Variants in C17orf99 observed in about 807,000 individuals in gnomAD.
C17orf99 encodes the protein chromosome 17 open reading frame 99.
A neutral mutation model predicts 22.6 loss-of-function variants in C17orf99; 18 were observed. That is an observed-to-expected ratio of 0.80 (90% CI 0.55 to 1.18). The LOEUF (loss-of-function observed/expected upper bound fraction) is 1.18. Ranked by LOEUF, C17orf99 falls within the 50% of genes most tolerant of loss-of-function variation. C17orf99 has a pLI of 0.00. For synonymous variants in C17orf99, 147 were observed against 136.6 expected (o/e 1.08, Z -0.53); for missense variants, 328 against 342.7 (o/e 0.96, Z 0.34).
At chr17:78,146,227 G>C, upstream of C17orf99, 2 of 560,232 alleles carry the variant, frequency 3.6e-6, no homozygotes, top group Non-Finnish European at 6.4e-6. This position sits in a 1 kb window ranked among gnomAD's most constrained non-coding sequence, Gnocchi z 5.2. Flanking sequence ...TTGCTGTACC[G>C]GGCCTGCCGG....
intron 3 of C17orf99, 51 bp from the exon 4 acceptor site, chr17:78,164,044 G>T: frequency 7.0e-7 from 1 of 1,419,952 alleles, no homozygotes; most frequent in South Asian, 1.2e-5. Flanking sequence ...TGAGGAGGAG[G>T]GGTTTAAAAC....
chr17:78,147,860 G>A (rs1007359583), intron 2 of C17orf99, among the ~76,000 whole-genome samples: 4 of 152,184 alleles, frequency 2.6e-5, no homozygotes, highest in Non-Finnish European at 4.4e-5. Context: ...TACCTGTGCA[G>A]GGCAGTTCCG....
At chr17:78,151,901 G>T in intron 2 of C17orf99, among the ~76,000 whole-genome samples, 1 of 152,268 alleles carries the variant, frequency 6.6e-6, no homozygotes, top group Middle Eastern at 3.4e-3. Flanking sequence ...CCAGGGTTGG[G>T]ACTGGAATTT....
At position 78,166,049 on chromosome 17, in the gene C17orf99, T is replaced by G. The variant is rs2075615148; in HGVS notation, c.*3T>G. The G allele has an allele frequency of 1.6e-6, 2 of 1,286,228 alleles. No homozygotes were observed. The highest frequency in any genetic ancestry group is 3.0e-5 in the African/African-American group (2 of 66,496). The allele number at this position is 1,286,228 out of a possible 1,614,324, so 79.7% of individuals were successfully genotyped here. On this transcript the variant is annotated 3_prime_UTR_variant, in exon 5 of 5. Coordinates refer to ENST00000340363, the MANE Select transcript of C17orf99 (RefSeq NM_001163075.2). ...GACGCAAAGCAGCAGCCATGTAGAA[T>G]GAACCGTCCAGAGAGCCAAGCACGG...
At chr17:78,157,344 G>A (rs1381584248) in intron 2 of C17orf99, 18 of 772,094 alleles carry the variant, frequency 2.3e-5, no homozygotes, top group African/African-American at 3.7e-5. Context: ...CGGCGGCGGC[G>A]GCGGTGGGCT....
upstream of C17orf99, chr17:78,146,249 C>T: frequency 3.3e-6 from 2 of 602,360 alleles, no homozygotes; most frequent in Admixed American, 3.0e-5. This position sits in a 1 kb window ranked among gnomAD's most constrained non-coding sequence, Gnocchi z 5.2. Flanking sequence ...GCTCTCTGGG[C>T]CCCGCCCTGG....
intron 2 of C17orf99, among the ~76,000 whole-genome samples, chr17:78,152,314 G>A (rs918196084): frequency 6.7e-6 from 1 of 150,018 alleles, no homozygotes; most frequent in Non-Finnish European, 1.5e-5. Flanking sequence ...AGTAGCTGGT[G>A]CATACCACCA....
chr17:78,162,577 C>T (rs1236427011), intron 3 of C17orf99, among the ~76,000 whole-genome samples: 1 of 152,056 alleles, frequency 6.6e-6, no homozygotes, highest in Non-Finnish European at 1.5e-5. Context: ...AGGTTCAAAT[C>T]CCTACACTTA....
At chr17:78,156,639 C>A (rs1034843398) in intron 2 of C17orf99, among the ~76,000 whole-genome samples, 2 of 152,094 alleles carry the variant, frequency 1.3e-5, no homozygotes, top group Non-Finnish European at 2.9e-5. Flanking sequence ...GAAACAGGGT[C>A]TCACTCTTTC....
At chr17:78,163,975 T>G in intron 3 of C17orf99, 120 bp from the exon 4 acceptor site, 1 of 862,980 alleles carries the variant, frequency 1.2e-6, no homozygotes. Flanking sequence ...GAAGGCGGCC[T>G]GGAGGAGGCG....
intron 2 of C17orf99, chr17:78,158,623 A>C (rs2075548323): frequency 6.1e-6 from 1 of 164,630 alleles, no homozygotes; most frequent in African/African-American, 2.4e-5. Context: ...TTGATGTTTT[A>C]TTTTGGTTTT....
At position 78,166,256 on chromosome 17, in the gene C17orf99, A is replaced by G. The variant is rs2075617074; in HGVS notation, c.*210A>G. 3 of 368,696 alleles carry G rather than the reference A, an allele frequency of 8.1e-6. No individual in the cohort carries two copies. Among genetic ancestry groups the G allele is most frequent in the Non-Finnish European group, 4.8e-6 (1 of 208,256 alleles). 22.8% of individuals were successfully genotyped at this position (368,696 alleles called of 1,614,324 possible). On this transcript the variant is annotated 3_prime_UTR_variant, in exon 5 of 5. Coordinates refer to ENST00000340363, the MANE Select transcript of C17orf99 (RefSeq NM_001163075.2). ...TGTGCTATCTATATTATCTATATGAATCCCATCATATCAGGTTGTCTACCT... is the reference window on the plus strand; with the variant it reads ...TGTGCTATCTATATTATCTATATGAGTCCCATCATATCAGGTTGTCTACCT...
chr17:78,160,679 G>A (rs2075567325), intron 2 of C17orf99: 1 of 451,998 alleles, frequency 2.2e-6, no homozygotes. Context: ...CGCCTTCCTG[G>A]TTCAAGAGAT....
At position 78,165,997 on chromosome 17, in the gene C17orf99, T is replaced by C; in HGVS notation, c.749T>C (p.Phe250Ser). ...CTGAGTGAAGAGGAGTTTGGGGGGT[T>C]CAGGATAGGGAATGGGGAGGTCAGA... ...RRLSEEEFGG[F>S]RIGNGEVRGR... Residue 250 changes from phenylalanine (F) to serine (S), a missense_variant, in exon 5 of 5, where the codon TTC becomes TCC. Physicochemically the swap from Phe to Ser is radical, Grantham distance 155 (BLOSUM62 -2). Transcript: ENST00000340363. 1 of 1,491,516 alleles carries C rather than the reference T, an allele frequency of 6.7e-7. No homozygotes were observed. The highest frequency in any genetic ancestry group is 1.3e-5 in the South Asian group (1 of 74,176). The allele number at this position is 1,491,516 out of a possible 1,614,324, so 92.4% of individuals were successfully genotyped here.
intron 2 of C17orf99, among the ~76,000 whole-genome samples, chr17:78,151,537 G>A (rs955937666): frequency 6.6e-6 from 1 of 151,792 alleles, no homozygotes; most frequent in African/African-American, 2.4e-5. Flanking sequence ...AAGACTCAGA[G>A]TCTGCAGGGC....
chr17:78,158,301 T>G (rs6501181), intron 2 of C17orf99: 10 of 303,478 alleles, frequency 3.3e-5, no homozygotes, highest in South Asian at 2.7e-4. Context: ...CTCCTACACA[T>G]TTTTTTTTTT....
At chr17:78,147,013 TG>T in intron 2 of C17orf99, 102 bp downstream of exon 2, 5 of 968,030 alleles carry the variant, frequency 5.2e-6, no homozygotes, top group Non-Finnish European at 8.1e-6. Flanking sequence ...GAGTTACTAG[TG>T]GGGAGGTGTG....
intron 2 of C17orf99, chr17:78,157,561 G>T: frequency 1.3e-6 from 1 of 750,076 alleles, no homozygotes; most frequent in South Asian, 1.6e-5. Context: ...CACTTTGGAA[G>T]ACCGAGGCAG....
At chr17:78,153,101 A>G (rs1353728801) in intron 2 of C17orf99, among the ~76,000 whole-genome samples, 1 of 152,044 alleles carries the variant, frequency 6.6e-6, no homozygotes, top group Non-Finnish European at 1.5e-5. Context: ...ATAAATTAAA[A>G]AAAAAATGAT....
Sources: gnomAD v4.1 joint callset for allele counts (sites outside exome capture counted in the v4.1 genomes callset) on GRCh38, gnomAD v4.1.1 for gene constraint, Gnocchi (gnomAD v3.1) non-coding constraint, MANE v1.5 for transcripts, NCBI Gene and HGNC (gene_info 2026-07-23, HGNC 2026-07-21) for gene names.